The following CWC27 variants were observed in gnomAD, a reference collection of about 807,000 sequenced individuals.
CWC27 encodes the protein CWC27 spliceosome associated cyclophilin, also known as spliceosome-associated protein CWC27 homolog.
Under a neutral mutation model 63.6 loss-of-function variants are expected in CWC27, and 47 were observed. The observed-to-expected ratio is 0.74, with a 90% CI of 0.58 to 0.94. The LOEUF is 0.94. Among genes scored for constraint, CWC27 ranks in the 40% least tolerant of loss-of-function variants. The probability of loss-of-function intolerance (pLI) is 0.00; values close to 1 mark genes in which losing one functional copy is unlikely to be tolerated. For missense variants in CWC27, 495 were observed against 554.3 expected, an observed-to-expected ratio of 0.89 and a Z score of 1.07; for synonymous variants, 175 against 179.8, an observed-to-expected ratio of 0.97 and a Z score of 0.22.
intron 10 of CWC27, among the ~76,000 whole-genome samples, chr5:64,834,608 G>A (rs1258469785): frequency 6.6e-6 from 1 of 151,796 alleles, no homozygotes; most frequent in South Asian, 2.1e-4. Flanking sequence ...CGATTTCCAA[G>A]CATTTATCTT....
chr5:64,916,411 T>C (rs1485901257), intron 11 of CWC27, among the ~76,000 whole-genome samples: 1 of 152,174 alleles, frequency 6.6e-6, no homozygotes, highest in Admixed American at 6.5e-5. Flanking sequence ...ACAATGTATC[T>C]AGGTATTCAT....
At chr5:64,811,721 G>T (rs1428200504) in intron 10 of CWC27, among the ~76,000 whole-genome samples, 2 of 151,958 alleles carry the variant, frequency 1.3e-5, no homozygotes, top group African/African-American at 4.8e-5. Context: ...TTTGTGTTTT[G>T]CTCAGGAGTT....
intron 12 of CWC27, among the ~76,000 whole-genome samples, chr5:64,976,468 A>G (rs1202368125): frequency 6.6e-6 from 1 of 152,126 alleles, no homozygotes; most frequent in Non-Finnish European, 1.5e-5. Flanking sequence ...TTAGTGAATT[A>G]CCTTTCTTTC....
chr5:64,912,073 C>CA (rs1253684440), intron 11 of CWC27, among the ~76,000 whole-genome samples: 3,954 of 82,842 alleles, frequency 0.048, 72 homozygotes, highest in Non-Finnish European at 0.064. Context: ...GACTCTGTCT[C>CA]AAAAAAAAAA....
At chr5:64,820,632 T>C (rs1311290820) in intron 10 of CWC27, among the ~76,000 whole-genome samples, 1 of 152,120 alleles carries the variant, frequency 6.6e-6, no homozygotes, top group Non-Finnish European at 1.5e-5. Flanking sequence ...TACACAAATA[T>C]AGTCATCTGA....
intron 7 of CWC27, among the ~76,000 whole-genome samples, chr5:64,794,394 TGA>T (rs1291401218): frequency 6.6e-6 from 1 of 152,112 alleles, no homozygotes; most frequent in Non-Finnish European, 1.5e-5. Context: ...ATTCTGTACT[TGA>T]GTTCAATAAA....
intron 11 of CWC27, among the ~76,000 whole-genome samples, chr5:64,920,879 A>T (rs1008069757): frequency 6.6e-6 from 1 of 151,772 alleles, no homozygotes; most frequent in Admixed American, 6.6e-5. Flanking sequence ...GGGTCTATCA[A>T]TTTTGTTTAA....
intron 13 of CWC27, among the ~76,000 whole-genome samples, chr5:64,991,675 A>G (rs1471394190): frequency 6.6e-6 from 1 of 152,244 alleles, no homozygotes; most frequent in Non-Finnish European, 1.5e-5. Flanking sequence ...ACAGTGAGCT[A>G]TGATCATGCC....
In CWC27 at chr5:64,832,383, A is replaced by C. The variant is rs1745547649; in HGVS notation, c.938+27997A>C. Among the ~76,000 whole-genome samples, 3 of 151,892 alleles carry C rather than the reference A, an allele frequency of 2.0e-5. 1 individual carries two copies. In the South Asian group the frequency reaches 6.2e-4, roughly 32 times the overall value. Reference sequence around the variant, plus strand: ...AATTCCAACTTTTGCTTGAAAGCTCAAATTTTATTATTGTCTACTAATAGT... The same window carrying C: ...AATTCCAACTTTTGCTTGAAAGCTCCAATTTTATTATTGTCTACTAATAGT... On this transcript the variant is annotated intron_variant, in intron 10 of 13. Transcript: ENST00000381070.
In CWC27 at chr5:64,885,566, T is replaced by C; in HGVS notation, c.1042+20T>C. 1 of 1,553,120 alleles carries C rather than the reference T, an allele frequency of 6.4e-7. No homozygotes were observed. Among genetic ancestry groups the C allele is most frequent in the South Asian group, 1.2e-5 (1 of 85,500 alleles). On this transcript the variant is annotated intron_variant, in intron 11 of 13. Coordinates refer to ENST00000381070, the MANE Select transcript of CWC27 (RefSeq NM_005869.4). ...GTGAAGGTAAGGGCATTTATCACGCTTATTTTTTCACTTGATACTCCTCCT... is the reference window on the plus strand; with the variant it reads ...GTGAAGGTAAGGGCATTTATCACGCCTATTTTTTCACTTGATACTCCTCCT...
At chr5:64,954,279 T>C (rs1748763376) in intron 11 of CWC27, among the ~76,000 whole-genome samples, 1 of 152,098 alleles carries the variant, frequency 6.6e-6, no homozygotes, top group Non-Finnish European at 1.5e-5. Context: ...ACTACTTCCC[T>C]GATTTATTGT....
chr5:64,894,960 G>A (rs1213706174), intron 11 of CWC27, among the ~76,000 whole-genome samples: 2 of 152,164 alleles, frequency 1.3e-5, no homozygotes, highest in Non-Finnish European at 2.9e-5. Context: ...TTAGAAATAA[G>A]CAGGGTCACC....
At chr5:64,818,931 A>T (rs1469655458) in intron 10 of CWC27, among the ~76,000 whole-genome samples, 1 of 152,220 alleles carries the variant, frequency 6.6e-6, no homozygotes, top group Non-Finnish European at 1.5e-5. Flanking sequence ...ATAATTATAG[A>T]ACAAAATGTG....
chr5:64,837,185 T>G (rs1745679415), intron 10 of CWC27, among the ~76,000 whole-genome samples: 1 of 152,092 alleles, frequency 6.6e-6, no homozygotes, highest in Admixed American at 6.6e-5. Context: ...TGGAATGAGT[T>G]CAGCTATTAG....
intron 6 of CWC27, among the ~76,000 whole-genome samples, chr5:64,788,527 TA>T (rs1743962505): frequency 6.6e-6 from 1 of 151,986 alleles, no homozygotes; most frequent in Admixed American, 6.6e-5. Flanking sequence ...TTTAAAATAT[TA>T]AAAAATATTT....
At chr5:64,922,621 T>G (rs988705476) in intron 11 of CWC27, among the ~76,000 whole-genome samples, 1 of 152,238 alleles carries the variant, frequency 6.6e-6, no homozygotes, top group African/African-American at 2.4e-5. Context: ...TGTCTGACAT[T>G]TCAGCCATTT....
At position 64,998,812 on chromosome 5, in the gene CWC27, A is replaced by G. The variant is rs535095559; in HGVS notation, c.1257-19347A>G. ...TCTATTCTTATTTTTTTGTTCAAGT[A>G]TTTTAAAATTTTTTGTTCTTATTTT... On this transcript the variant is annotated intron_variant, in intron 13 of 13. Coordinates refer to ENST00000381070, the MANE Select transcript of CWC27 (RefSeq NM_005869.4). Among the ~76,000 whole-genome samples the G allele has an allele frequency of 2.0e-5, 3 of 151,686 alleles. 1 individual carries two copies. In the South Asian group the frequency reaches 6.3e-4, roughly 32 times the overall value.
At chr5:64,835,857 T>A (rs148648330) in intron 10 of CWC27, among the ~76,000 whole-genome samples, 1 of 152,018 alleles carries the variant, frequency 6.6e-6, no homozygotes, top group Non-Finnish European at 1.5e-5. Flanking sequence ...TCATGATATG[T>A]GTTGCTTCTA....
intron 10 of CWC27, among the ~76,000 whole-genome samples, chr5:64,817,809 T>A (rs952519731): frequency 6.6e-6 from 1 of 152,174 alleles, no homozygotes; most frequent in Non-Finnish European, 1.5e-5. Context: ...GCATATATAT[T>A]GATTTAATTG....
Sources: allele counts gnomAD v4.1 joint callset (sites outside exome capture counted in the v4.1 genomes callset), GRCh38; gene constraint gnomAD v4.1.1; transcripts MANE v1.5; gene names NCBI Gene and HGNC (gene_info 2026-07-23, HGNC 2026-07-21).